LINGO2: variants seen among roughly 807,000 people sequenced by gnomAD.
The protein encoded by LINGO2 is leucine rich repeat and Ig domain containing 2, also known as leucine-rich repeat and immunoglobulin-like domain-containing nogo receptor-interacting protein 2.
Under a neutral mutation model 30.6 loss-of-function variants are expected in LINGO2, and 14 were observed. The observed-to-expected ratio is 0.46, with a 90% CI of 0.30 to 0.72. LINGO2 has a LOEUF of 0.72. Ranked by LOEUF, LINGO2 falls within the 30% of genes least tolerant of loss-of-function variation. The pLI is 0.07. For missense variants in LINGO2, 729 were observed against 751.7 expected, an observed-to-expected ratio of 0.97 and a Z score of 0.35; for synonymous variants, 317 against 288.5, an observed-to-expected ratio of 1.10 and a Z score of -1.00.
chr9:28,274,120 A>G (rs1823036014), intron 4 of LINGO2, among the ~76,000 whole-genome samples: 1 of 152,188 alleles, frequency 6.6e-6, no homozygotes, highest in Non-Finnish European at 1.5e-5. Context: ...ATCTATGGAC[A>G]TATTTTTTGA....
At chr9:28,801,066 A>G in the LINGO2 span, among the ~76,000 whole-genome samples, 1 of 152,130 alleles carries the variant, frequency 6.6e-6, no homozygotes, top group African/African-American at 2.4e-5. Context: ...ACAGTGGTCC[A>G]GTTCATTTCC....
the LINGO2 span, among the ~76,000 whole-genome samples, chr9:29,071,482 C>CATATATATAT: frequency 4.6e-4 from 55 of 120,850 alleles, no homozygotes; most frequent in Middle Eastern, 4.4e-3. Flanking sequence ...ATTAACTGGT[C>CATATATATAT]ATATATATAT....
intron 1 of LINGO2, among the ~76,000 whole-genome samples, chr9:28,502,338 T>A (rs1819926675): frequency 6.6e-6 from 1 of 152,116 alleles, no homozygotes; most frequent in Admixed American, 6.6e-5. Flanking sequence ...TATTTCAGCT[T>A]GACTTCTCTC....
At chr9:28,877,358 T>C in the LINGO2 span, among the ~76,000 whole-genome samples, 3 of 151,168 alleles carry the variant, frequency 2.0e-5, no homozygotes, top group Non-Finnish European at 4.4e-5. Context: ...ATGCCTAGGT[T>C]TTCTTCTAGG....
the LINGO2 span, among the ~76,000 whole-genome samples, chr9:29,018,182 AAGAAG>A: frequency 2.7e-5 from 4 of 150,654 alleles, no homozygotes; most frequent in African/African-American, 7.3e-5. Flanking sequence ...AAACTGATGC[AAGAAG>A]AGAAAACGGA....
At chr9:29,200,603 G>A in the LINGO2 span, among the ~76,000 whole-genome samples, 1,002 of 152,098 alleles carry the variant, frequency 6.6e-3, no homozygotes, top group Non-Finnish European at 9.8e-3. Flanking sequence ...TCTTATCTAC[G>A]TTACACCCAG....
chr9:28,032,358 T>C (rs1427205672), intron 4 of LINGO2, among the ~76,000 whole-genome samples: 1 of 152,132 alleles, frequency 6.6e-6, no homozygotes, highest in Non-Finnish European at 1.5e-5. Context: ...TCCAGGGCTA[T>C]AGGAATGCTG....
the LINGO2 span, among the ~76,000 whole-genome samples, chr9:29,140,441 GAAGA>G: frequency 6.6e-6 from 1 of 151,648 alleles, no homozygotes; most frequent in Non-Finnish European, 1.5e-5. Context: ...GGATCAAGCA[GAAGA>G]AAGAAGCAGT....
intron 1 of LINGO2, among the ~76,000 whole-genome samples, chr9:28,498,633 C>A (rs9298898): frequency 2.0e-4 from 30 of 151,990 alleles, no homozygotes; most frequent in Admixed American, 2.0e-4. Context: ...GTCCTGCTTC[C>A]GCTCACACTC....
chr9:28,561,129 T>C (rs747213900), intron 1 of LINGO2, among the ~76,000 whole-genome samples: 2 of 152,080 alleles, frequency 1.3e-5, no homozygotes, highest in African/African-American at 2.4e-5. Flanking sequence ...ACGATACTTA[T>C]CAGTACCCTT....
At chr9:29,168,280 A>G in the LINGO2 span, among the ~76,000 whole-genome samples, 1 of 152,166 alleles carries the variant, frequency 6.6e-6, no homozygotes, top group Non-Finnish European at 1.5e-5. Flanking sequence ...AAACCTCTGT[A>G]AATTTAAAGT....
At chr9:28,942,592 G>A in the LINGO2 span, among the ~76,000 whole-genome samples, 1 of 152,106 alleles carries the variant, frequency 6.6e-6, no homozygotes, top group Non-Finnish European at 1.5e-5. Flanking sequence ...TTCAATTTCA[G>A]CTGAAGTACG....
chr9:28,709,532 A>C, the LINGO2 span, among the ~76,000 whole-genome samples: 1 of 152,020 alleles, frequency 6.6e-6, no homozygotes, highest in South Asian at 2.1e-4. Context: ...AAATTTTCAA[A>C]ATTTTACTTC....
At chr9:28,257,957 G>C (rs985693469) in intron 4 of LINGO2, among the ~76,000 whole-genome samples, 8 of 151,874 alleles carry the variant, frequency 5.3e-5, no homozygotes, top group Non-Finnish European at 7.4e-5. Flanking sequence ...TGGTGTTGTT[G>C]ATTAACGCAT....
intron 1 of LINGO2, among the ~76,000 whole-genome samples, chr9:28,558,624 T>G (rs1295411568): frequency 2.6e-5 from 4 of 152,088 alleles, no homozygotes; most frequent in African/African-American, 4.8e-5. Flanking sequence ...CATAATTTCA[T>G]CTCTTTTGGC....
At chr9:28,332,066 A>G in intron 3 of LINGO2, among the ~76,000 whole-genome samples, 1 of 152,146 alleles carries the variant, frequency 6.6e-6, no homozygotes, top group East Asian at 1.9e-4. Flanking sequence ...TTAACCTGAT[A>G]CCTAATTAAT....
intron 4 of LINGO2, among the ~76,000 whole-genome samples, chr9:28,172,034 C>CAAAAA (rs11421803): frequency 1.0e-5 from 1 of 98,722 alleles, no homozygotes; most frequent in African/African-American, 3.8e-5. Context: ...AAAAAAAAAA[C>CAAAAA]AAAAAAAAAA....
At chr9:28,034,885 A>G (rs1823856231) in intron 4 of LINGO2, among the ~76,000 whole-genome samples, 1 of 152,218 alleles carries the variant, frequency 6.6e-6, no homozygotes. Context: ...TTTCAGGTAG[A>G]TCAGTTAGCA....
the LINGO2 span, among the ~76,000 whole-genome samples, chr9:28,956,740 T>C: frequency 9.3e-6 from 1 of 107,972 alleles, no homozygotes; most frequent in South Asian, 4.6e-4. Context: ...TCCCCTTCTC[T>C]CCCCTCCCCT....
Sources: allele counts gnomAD v4.1 joint callset (sites outside exome capture counted in the v4.1 genomes callset), GRCh38; gene constraint gnomAD v4.1.1; transcripts MANE v1.5; gene names NCBI Gene and HGNC (gene_info 2026-07-23, HGNC 2026-07-21).